DPYD: variants seen among roughly 807,000 people sequenced by gnomAD.
DPYD encodes the protein dihydropyrimidine dehydrogenase [NADP(+)].
DPYD carries 109 observed loss-of-function variants against 116.2 expected under a neutral mutation model. That is an observed-to-expected ratio of 0.94 (90% CI 0.80 to 1.10). The LOEUF is 1.10. Ranked by LOEUF, DPYD falls within the 50% of genes least tolerant of loss-of-function variation. The pLI, the probability that DPYD is intolerant of heterozygous loss-of-function variation, is 0.00. For synonymous variants in DPYD, 440 were observed against 432.0 expected (o/e 1.02, Z -0.23); for missense variants, 1,302 against 1,254.5 (o/e 1.04, Z -0.57).
chr1:97,468,688 G>A (rs1445874973), intron 13 of DPYD, among the ~76,000 whole-genome samples: 1 of 152,192 alleles, frequency 6.6e-6, no homozygotes, highest in Admixed American at 6.5e-5. Flanking sequence ...ACAGAAACAG[G>A]TGGGAGGCTG....
chr1:97,696,377 TGC>T (rs1661307326), intron 6 of DPYD, among the ~76,000 whole-genome samples: 1 of 152,110 alleles, frequency 6.6e-6, no homozygotes, highest in Non-Finnish European at 1.5e-5. Flanking sequence ...ATAAATCTGT[TGC>T]TTAGAATAGA....
At chr1:97,478,173 C>A (rs1188300571) in intron 13 of DPYD, among the ~76,000 whole-genome samples, 2 of 152,152 alleles carry the variant, frequency 1.3e-5, no homozygotes, top group Non-Finnish European at 2.9e-5. Context: ...TAGGTCTCAA[C>A]CTTAGGCTTA....
At chr1:97,848,280 G>A (rs1213383819) in intron 2 of DPYD, among the ~76,000 whole-genome samples, 1 of 152,118 alleles carries the variant, frequency 6.6e-6, no homozygotes, top group Non-Finnish European at 1.5e-5. Context: ...TGTATTTTTA[G>A]TAGAGACGGG....
At chr1:97,654,531 C>A (rs1401300057) in intron 8 of DPYD, among the ~76,000 whole-genome samples, 1 of 151,946 alleles carries the variant, frequency 6.6e-6, no homozygotes, top group African/African-American at 2.4e-5. Flanking sequence ...TATATTTTCA[C>A]GATTATGTGA....
intron 2 of DPYD, among the ~76,000 whole-genome samples, chr1:97,852,331 A>G (rs1453055050): frequency 1.3e-5 from 2 of 152,102 alleles, no homozygotes; most frequent in Non-Finnish European, 1.5e-5. Flanking sequence ...AAGAGTTATT[A>G]TTTACTGTTA....
In DPYD at chr1:97,323,582, TATC is replaced by T. The variant is rs1410631693; in HGVS notation, c.2059-17288_2059-17286del. On this transcript the variant is annotated intron_variant, in intron 16 of 22. Transcript: ENST00000370192. The stretch of plus-strand genomic sequence containing the variant: ...GTGTATATATACACGTATATATACA[TATC>T]ATATATACATATATGTGTATATATA... Among the ~76,000 whole-genome samples, 20 of 94,312 alleles carry T rather than the reference TATC, an allele frequency of 2.1e-4. 1 individual carries two copies. The highest frequency in any genetic ancestry group is 7.9e-4 in the African/African-American group (20 of 25,474). 61.9% of individuals were successfully genotyped at this position (94,312 alleles called of 152,430 possible).
chr1:97,659,785 C>T (rs996331531), intron 8 of DPYD, among the ~76,000 whole-genome samples: 9 of 152,092 alleles, frequency 5.9e-5, no homozygotes, highest in Non-Finnish European at 7.4e-5. Flanking sequence ...TGCCCTTCAT[C>T]GAGTCATACA....
At chr1:97,205,777 C>G (rs1659549376) in intron 19 of DPYD, among the ~76,000 whole-genome samples, 1 of 151,968 alleles carries the variant, frequency 6.6e-6, no homozygotes, top group South Asian at 2.1e-4. Flanking sequence ...TTCATTGCAC[C>G]AGCCTGTTGT....
intron 18 of DPYD, among the ~76,000 whole-genome samples, chr1:97,242,135 T>TAC (rs1662398386): frequency 1.3e-5 from 1 of 76,080 alleles, no homozygotes; most frequent in Non-Finnish European, 2.6e-5. Context: ...TATATATATA[T>TAC]ATATATATAT....
At chr1:97,604,361 CT>C (rs1289731872) in intron 8 of DPYD, among the ~76,000 whole-genome samples, 1 of 152,066 alleles carries the variant, frequency 6.6e-6, no homozygotes, top group African/African-American at 2.4e-5. Flanking sequence ...CTCTGTCATA[CT>C]GAAATAATTT....
intron 10 of DPYD, among the ~76,000 whole-genome samples, chr1:97,580,035 T>G (rs1395635202): frequency 6.6e-6 from 1 of 152,222 alleles, no homozygotes; most frequent in African/African-American, 2.4e-5. Context: ...TGATTAATAT[T>G]ACAGGCATCA....
intron 18 of DPYD, among the ~76,000 whole-genome samples, chr1:97,266,666 C>T (rs897848206): frequency 6.6e-6 from 1 of 152,120 alleles, no homozygotes; most frequent in Admixed American, 6.5e-5. Context: ...TCTCCTAATG[C>T]TATCCCTCCC....
In DPYD at chr1:97,077,979, A is replaced by G. The variant is rs922405307; in HGVS notation, c.*997T>C. On this transcript the variant is annotated 3_prime_UTR_variant, in exon 23 of 23. Coordinates refer to ENST00000370192, the MANE Select transcript of DPYD (RefSeq NM_000110.4). ...CACTATTTACTGATTATGAAAATAG[A>G]GAAATACAAAAATATTATCTAATAA... The G allele has an allele frequency of 6.6e-6, 1 of 152,178 alleles. No individual in the cohort carries two copies. The highest frequency in any genetic ancestry group is 1.5e-5 in the Non-Finnish European group (1 of 68,024). The allele number at this position is 152,178 out of a possible 1,614,324, so 9.4% of individuals were successfully genotyped here.
intron 12 of DPYD, among the ~76,000 whole-genome samples, chr1:97,540,369 AAAC>A (rs899227890): frequency 8.8e-6 from 1 of 114,064 alleles, no homozygotes; most frequent in African/African-American, 3.0e-5. Flanking sequence ...GAACAAAACA[AAAC>A]AAAACAAAAC....
intron 12 of DPYD, among the ~76,000 whole-genome samples, chr1:97,542,039 G>A (rs111936319): frequency 5.3e-5 from 8 of 152,172 alleles, no homozygotes; most frequent in African/African-American, 9.6e-5. Flanking sequence ...ACTGGAAAAC[G>A]CTTTTCTTCA....
At chr1:97,744,144 T>C (rs1460918269) in intron 3 of DPYD, among the ~76,000 whole-genome samples, 4 of 152,068 alleles carry the variant, frequency 2.6e-5, no homozygotes, top group Non-Finnish European at 5.9e-5. Flanking sequence ...TTAAGTACTG[T>C]TACTTAAAGG....
At position 97,540,721 on chromosome 1, in the gene DPYD, C is replaced by G. The variant is rs192963621; in HGVS notation, c.1524+8839G>C. On this transcript the variant is annotated intron_variant, in intron 12 of 22. Transcript: ENST00000370192. ...CTTAACCTTCAGCCCCTTGACTCTC[C>G]CCGGAGGTTGGGGAGCAGGGCTGAA... 1.2e-3 allele frequency among the ~76,000 whole-genome samples: 184 copies of G among 152,292 alleles called. 1 individual carries two copies. Among genetic ancestry groups the G allele is most frequent in the South Asian group, 6.8e-3 (33 of 4,826 alleles).
intron 4 of DPYD, among the ~76,000 whole-genome samples, chr1:97,723,311 T>G (rs1663028635): frequency 6.6e-6 from 1 of 151,398 alleles, no homozygotes; most frequent in Non-Finnish European, 1.5e-5. Context: ...ATATAAAGGG[T>G]AAATAATTAG....
chr1:97,098,535 A>C lies in DPYD; in HGVS notation c.2720T>G (p.Leu907Arg). The C allele has an allele frequency of 6.2e-7, 1 of 1,613,186 alleles. No individual in the cohort carries two copies. Among genetic ancestry groups the C allele is most frequent in the African/African-American group, 1.3e-5 (1 of 74,978 alleles). ...LKEQNVAFSP[L>R]KRNCFIPKRP... ...TTTGGGGATAAAACAGTTTCTCTTAAGTGGTGAAAAAGCTACATTTTGTTC... is the reference window on the plus strand; with the variant it reads ...TTTGGGGATAAAACAGTTTCTCTTACGTGGTGAAAAAGCTACATTTTGTTC... Residue 907 changes from leucine to arginine, a missense_variant, in exon 21 of 23, where the codon CTT (leucine) becomes CGT (arginine). Leu to Arg is a moderately radical substitution (Grantham distance 102). Coordinates refer to ENST00000370192, the MANE Select transcript of DPYD (RefSeq NM_000110.4).
Sources: allele counts gnomAD v4.1 joint callset (sites outside exome capture counted in the v4.1 genomes callset), GRCh38; gene constraint gnomAD v4.1.1; transcripts MANE v1.5; gene names NCBI Gene and HGNC (gene_info 2026-07-23, HGNC 2026-07-21).